ZEB2: variants seen among roughly 807,000 people sequenced by gnomAD.
ZEB2 encodes zinc finger E-box binding homeobox 2.
ZEB2 carries 6 observed loss-of-function variants against 99.9 expected under a neutral mutation model. The ratio of observed to expected loss-of-function variants is 0.06; its 90% CI spans 0.03 to 0.12. The LOEUF is 0.12. Ranked by LOEUF, ZEB2 falls within the 10% of genes least tolerant of loss-of-function variation. The pLI, the probability that ZEB2 is intolerant of heterozygous loss-of-function variation, is 1.00. For synonymous variants in ZEB2, 517 were observed against 542.5 expected (o/e 0.95, Z 0.65); for missense variants, 969 against 1,502.8 (o/e 0.64, Z 5.87).
intron 9 of ZEB2, chr2:144,394,332 T>G (rs1703193261): frequency 6.6e-6 from 1 of 152,176 alleles, no homozygotes; most frequent in South Asian, 2.1e-4. Flanking sequence ...AAGAAGTAAA[T>G]ATATTGACTG....
chr2:144,447,015 CAAAAAA>C (rs200426124), intron 2 of ZEB2, among the ~76,000 whole-genome samples: 1 of 74,496 alleles, frequency 1.3e-5, no homozygotes, highest in Non-Finnish European at 2.8e-5. Flanking sequence ...GACACTGTTT[CAAAAAA>C]AAAAAAAAAA....
chr2:144,511,255 T>C (rs1269231388), intron 2 of ZEB2: 2 of 397,894 alleles, frequency 5.0e-6, no homozygotes, highest in South Asian at 3.3e-5. Context: ...ATGCATAATA[T>C]GTAGGAGAGA....
intron 2 of ZEB2, among the ~76,000 whole-genome samples, chr2:144,467,809 G>C (rs1198403609): frequency 1.3e-5 from 2 of 152,164 alleles, no homozygotes; most frequent in Non-Finnish European, 2.9e-5. Flanking sequence ...GAATCACTCA[G>C]AGAATTCTGA....
intron 2 of ZEB2, among the ~76,000 whole-genome samples, chr2:144,467,626 A>G (rs544403249): frequency 2.6e-5 from 4 of 152,292 alleles, no homozygotes; most frequent in African/African-American, 9.6e-5. Context: ...ACTCTCCTTC[A>G]TTCATCCACT....
chr2:144,503,149 A>C (rs112271612), intron 2 of ZEB2, among the ~76,000 whole-genome samples: 1 of 152,182 alleles, frequency 6.6e-6, no homozygotes, highest in East Asian at 1.9e-4. Flanking sequence ...CTGGCAATCT[A>C]TTTATTTCCA....
rs186414058 is a variant in ZEB2, at chr2:144,472,434, G to A, written c.74-42408C>T. On this transcript the variant is annotated intron_variant, in intron 2 of 9. Transcript: ENST00000627532. ...GGATAATATGGCATACAGCATGATGGTGATTGAAGCGGGGTGTGATTGGGG... is the reference window on the plus strand; with the variant it reads ...GGATAATATGGCATACAGCATGATGATGATTGAAGCGGGGTGTGATTGGGG... Among the ~76,000 whole-genome samples, 316 of 152,190 alleles carry A rather than the reference G, an allele frequency of 2.1e-3. 2 individuals are homozygous for A. Among genetic ancestry groups the A allele is most frequent in the Non-Finnish European group, 3.2e-3 (220 of 67,994 alleles).
rs1703267953 is a variant in ZEB2 at position 144,398,921 on chromosome 2, G to A, written c.2266C>T (p.Pro756Ser). 1 of 1,614,040 alleles carries A rather than the reference G, an allele frequency of 6.2e-7. No homozygotes were observed. The highest frequency in any genetic ancestry group is 8.5e-7 in the Non-Finnish European group (1 of 1,180,038). ...ELHNSVTNCD[P>S]PLRLTKPSHF... Reference sequence around the variant, plus strand: ...GAAGGTTTTGTTAGCCTGAGAGGAGGATCACAATTCGTAACACTGTTGTGG... The same window carrying A: ...GAAGGTTTTGTTAGCCTGAGAGGAGAATCACAATTCGTAACACTGTTGTGG... The change falls in exon 8 of 10, where the codon CCT (proline) becomes TCT (serine). Residue 756 changes from proline to serine, a missense_variant. Pro to Ser is a moderately conservative substitution (Grantham distance 74). Around this residue, in one of 8 missense-constraint regions of ZEB2, gnomAD observed 346 missense variants for 460.0 expected, o/e 0.75. Coordinates refer to ENST00000627532, the MANE Select transcript of ZEB2 (RefSeq NM_014795.4).
intron 2 of ZEB2, among the ~76,000 whole-genome samples, chr2:144,484,496 C>T (rs1704566155): frequency 6.6e-6 from 1 of 152,266 alleles, no homozygotes; most frequent in South Asian, 2.1e-4. Flanking sequence ...GATCGGTCAG[C>T]CCACTCTGAT....
chr2:144,470,539 C>T (rs977036205), intron 2 of ZEB2: 1 of 152,140 alleles, frequency 6.6e-6, no homozygotes, highest in African/African-American at 2.4e-5. Flanking sequence ...AATAAAGTGC[C>T]TGTAATATTG....
intron 4 of ZEB2, among the ~76,000 whole-genome samples, chr2:144,421,337 A>C (rs1703616180): frequency 1.3e-5 from 2 of 152,210 alleles, no homozygotes; most frequent in African/African-American, 4.8e-5. Context: ...TTGGGAGCAG[A>C]GGAAGATAGT....
intron 2 of ZEB2, among the ~76,000 whole-genome samples, chr2:144,478,415 T>C (rs1233516837): frequency 1.3e-5 from 2 of 152,218 alleles, no homozygotes; most frequent in Non-Finnish European, 2.9e-5. Flanking sequence ...GGAAATTATT[T>C]CAGACAGTGG....
chr2:144,495,400 T>C (rs1018082678), intron 2 of ZEB2: 1 of 152,244 alleles, frequency 6.6e-6, no homozygotes, highest in Admixed American at 6.5e-5. Flanking sequence ...AAAAAGATTC[T>C]GCTTCTACTA....
chr2:144,386,816 C>T lies in ZEB2; in HGVS notation c.*2635G>A, dbSNP rs1191655733. 6.6e-6 allele frequency: 1 copy of T among 151,808 alleles called. No homozygotes were observed. The highest frequency in any genetic ancestry group is 2.4e-5 in the African/African-American group (1 of 41,292). The allele number at this position is 151,808 out of a possible 1,614,324, so 9.4% of individuals were successfully genotyped here. ...AATTTATGTAGTGTATTTATTTGTG[C>T]CATTCAAAGAAGGAGAAACGAGGAT... On this transcript the variant is annotated 3_prime_UTR_variant, in exon 10 of 10. Transcript: ENST00000627532.
At chr2:144,459,780 GT>G (rs1704167493) in intron 2 of ZEB2, among the ~76,000 whole-genome samples, 1 of 152,230 alleles carries the variant, frequency 6.6e-6, no homozygotes, top group Non-Finnish European at 1.5e-5. Context: ...AAGAGAATTG[GT>G]TTCCTTTAGA....
intron 2 of ZEB2, among the ~76,000 whole-genome samples, chr2:144,505,883 C>A (rs1002153951): frequency 3.3e-5 from 5 of 152,174 alleles, no homozygotes; most frequent in African/African-American, 1.2e-4. Flanking sequence ...ATCTCCCCCA[C>A]CCTTTTTTAT....
intron 4 of ZEB2, among the ~76,000 whole-genome samples, chr2:144,423,385 T>C (rs1367018586): frequency 6.6e-6 from 1 of 152,242 alleles, no homozygotes. Context: ...ATTCATGATA[T>C]CGCTTTATTT....
At position 144,399,289 on chromosome 2, in the gene ZEB2, G is replaced by A. The variant is rs2149876989; in HGVS notation, c.1898C>T (p.Ala633Val). Reference sequence around the variant, plus strand: ...AGAAAGTACAGATGACAAGAGGAGGGCTTTATTATCAACAAAAACTCCGGC... The same window carrying A: ...AGAAAGTACAGATGACAAGAGGAGGACTTTATTATCAACAAAAACTCCGGC... ...NKAGVFVDNKALLLSSVLSEK... is the reference protein window; with the variant it reads ...NKAGVFVDNKVLLLSSVLSEK... The change falls in exon 8 of 10, where the codon GCC becomes GTC. Residue 633 changes from alanine (A) to valine (V), a missense_variant. Physicochemically the swap from Ala to Val is moderately conservative, Grantham distance 64. Coordinates refer to ENST00000627532, the MANE Select transcript of ZEB2 (RefSeq NM_014795.4). This position sits in a 1 kb window ranked among gnomAD's most constrained non-coding sequence, Gnocchi z 5.6. 1 of 1,614,048 alleles carries A rather than the reference G, an allele frequency of 6.2e-7. No homozygotes were observed. Among genetic ancestry groups the A allele is most frequent in the Non-Finnish European group, 8.5e-7 (1 of 1,179,996 alleles).
intron 4 of ZEB2, among the ~76,000 whole-genome samples, chr2:144,415,422 G>C (rs372665748): frequency 1.5e-4 from 23 of 152,176 alleles, no homozygotes; most frequent in African/African-American, 5.3e-4. Context: ...CTTTATTCCC[G>C]GTTCATTTTG....
intron 2 of ZEB2, among the ~76,000 whole-genome samples, chr2:144,498,250 C>T (rs1174323579): frequency 1.4e-5 from 2 of 145,608 alleles, no homozygotes; most frequent in East Asian, 3.9e-4. Context: ...AAGATTTCTA[C>T]TGCAAATATT....
Sources: gnomAD v4.1 joint callset for allele counts (sites outside exome capture counted in the v4.1 genomes callset) on GRCh38, gnomAD v4.1.1 for gene constraint, gnomAD v4.1.1 regional missense constraint, Gnocchi (gnomAD v3.1) non-coding constraint, MANE v1.5 for transcripts, NCBI Gene and HGNC (gene_info 2026-07-23, HGNC 2026-07-21) for gene names.